ANKRD28: variants seen among roughly 807,000 people sequenced by gnomAD.
The protein encoded by ANKRD28 is serine/threonine-protein phosphatase 6 regulatory ankyrin repeat subunit A.
A neutral mutation model predicts 126.5 loss-of-function variants in ANKRD28; 44 were observed. That is an observed-to-expected ratio of 0.35 (90% CI 0.27 to 0.45). The LOEUF (loss-of-function observed/expected upper bound fraction) is 0.45. Ranked by LOEUF, ANKRD28 falls within the 20% of genes least tolerant of loss-of-function variation. The pLI, the probability that ANKRD28 is intolerant of heterozygous loss-of-function variation, is 1.00. For missense variants in ANKRD28, 1,110 were observed against 1,316.6 expected (o/e 0.84, Z 2.43); for synonymous variants, 442 against 468.5 (o/e 0.94, Z 0.73).
intron 6 of ANKRD28, among the ~76,000 whole-genome samples, chr3:15,728,467 A>C (rs1250729816): frequency 6.6e-6 from 1 of 151,934 alleles, no homozygotes; most frequent in African/African-American, 2.4e-5. Context: ...CTAATCTTTA[A>C]ATTTTTTTGT....
intron 11 of ANKRD28, 66 bp downstream of exon 11, chr3:15,712,074 A>C: frequency 4.1e-6 from 5 of 1,209,704 alleles, no homozygotes; most frequent in Non-Finnish European, 6.0e-6. Flanking sequence ...AAAGCAGGAT[A>C]GAGACCATCT....
intron 2 of ANKRD28, among the ~76,000 whole-genome samples, chr3:15,771,093 A>T (rs909294740): frequency 6.6e-6 from 1 of 152,116 alleles, no homozygotes; most frequent in African/African-American, 2.4e-5. Flanking sequence ...TATTTGGTTT[A>T]TGGTTGTACA....
At chr3:15,736,378 G>A (rs1178545945) in intron 5 of ANKRD28, among the ~76,000 whole-genome samples, 1 of 152,200 alleles carries the variant, frequency 6.6e-6, no homozygotes, top group African/African-American at 2.4e-5. Context: ...ATCCTCTGTA[G>A]ATAAGTGGGA....
chr3:15,760,513 CCAGCA>C (rs1281367143), intron 3 of ANKRD28, among the ~76,000 whole-genome samples: 1 of 152,138 alleles, frequency 6.6e-6, no homozygotes, highest in African/African-American at 2.4e-5. Context: ...CTGAAAGCAT[CCAGCA>C]CAGGACTAGG....
rs1575813194 is a variant in ANKRD28 at position 15,845,402 on chromosome 3, A to G, written c.27+13975T>C. Among the ~76,000 whole-genome samples the G allele has an allele frequency of 6.6e-6, 1 of 152,120 alleles. No homozygotes were observed. The highest frequency in any genetic ancestry group is 1.9e-4 in the East Asian group (1 of 5,186). ...CCAACTAGGTTCCCTCTTTGTCCTG[A>G]GAATGTCTAAAAGGTTACAGCTCCT... On this transcript the variant is annotated intron_variant, in intron 1 of 27. Transcript: ENST00000399451. The surrounding 1 kb of genome is among the most constrained non-coding windows in gnomAD (Gnocchi z 4.9).
At chr3:15,696,468 C>T (rs1041604126) in intron 14 of ANKRD28, among the ~76,000 whole-genome samples, 1 of 151,930 alleles carries the variant, frequency 6.6e-6, no homozygotes, top group African/African-American at 2.4e-5. Flanking sequence ...AAAGTGGATA[C>T]CTCAAAAGTC....
intron 2 of ANKRD28, among the ~76,000 whole-genome samples, chr3:15,792,400 C>T (rs1292515126): frequency 1.3e-5 from 2 of 152,026 alleles, no homozygotes; most frequent in African/African-American, 4.8e-5. Flanking sequence ...AAAAAACAGA[C>T]CCAGTCATTT....
At position 15,811,286 on chromosome 3, in the gene ANKRD28, GAC is replaced by G. The variant is rs1199657908; in HGVS notation, c.28-15982_28-15981del. The stretch of plus-strand genomic sequence containing the variant: ...CCATAATCTGTTACAATCACAAATA[GAC>G]TCTATAGACTTAAGTACTCAACTCA... On this transcript the variant is annotated intron_variant, in intron 1 of 27. Transcript: ENST00000399451. 2.1e-3 allele frequency among the ~76,000 whole-genome samples: 320 copies of G among 152,260 alleles called. 2 individuals carry two copies. The highest frequency in any genetic ancestry group is 0.01 in the Middle Eastern group (3 of 294).
rs1320738219 is a variant in ANKRD28 at position 15,830,320 on chromosome 3, C to T, written c.27+29057G>A. On this transcript the variant is annotated intron_variant, in intron 1 of 27. Coordinates refer to the ANKRD28 transcript ENST00000399451. This position sits in a 1 kb window ranked among gnomAD's most constrained non-coding sequence, Gnocchi z 4.5. ...GTCTCTTAGACCAGGGTCCCTAACC[C>T]CTGGACTGAGGACTGCTAGCCATTC... Among the ~76,000 whole-genome samples the T allele has an allele frequency of 6.6e-6, 1 of 152,164 alleles. No individual in the cohort carries two copies. The highest frequency in any genetic ancestry group is 1.9e-4 in the East Asian group (1 of 5,198).
intron 11 of ANKRD28, among the ~76,000 whole-genome samples, chr3:15,711,756 G>A (rs567086550): frequency 2.0e-5 from 3 of 151,838 alleles, no homozygotes; most frequent in African/African-American, 7.2e-5. Flanking sequence ...GCACAATCTC[G>A]GCTTACTGCA....
At chr3:15,809,372 C>T (rs1298793735) in intron 1 of ANKRD28, among the ~76,000 whole-genome samples, 1 of 152,174 alleles carries the variant, frequency 6.6e-6, no homozygotes, top group African/African-American at 2.4e-5. Flanking sequence ...CACACAGATC[C>T]TTTCCTTTAA....
chr3:15,797,263 T>C lies in ANKRD28; in HGVS notation c.-742A>G. 3 of 984,452 alleles carry C rather than the reference T, an allele frequency of 3.0e-6. No individual in the cohort carries two copies. Among genetic ancestry groups the C allele is most frequent in the Non-Finnish European group, 3.6e-6 (3 of 829,816 alleles). The allele number at this position is 984,452 out of a possible 1,614,324, so 61.0% of individuals were successfully genotyped here. A position where few individuals can be genotyped will look rare whatever the true frequency, so the allele number is the denominator to read the frequency against. On this transcript the variant is annotated 5_prime_UTR_variant, in exon 1 of 28. Coordinates refer to ENST00000683139, the MANE Select transcript of ANKRD28 (RefSeq NM_001349278.2). ...AGCAAAGCTGCAGTACGTTTACATG[T>C]GATGAGTCAGACCACAAGAGACAAT... is the stretch of plus-strand genomic sequence containing the variant.
chr3:15,826,748 T>C (rs1013574032), intron 1 of ANKRD28, among the ~76,000 whole-genome samples: 3 of 152,138 alleles, frequency 2.0e-5, no homozygotes, highest in Non-Finnish European at 4.4e-5. Context: ...GTGTAGAAGA[T>C]GAACTGAAAT....
At chr3:15,733,767 T>C (rs2125101974) in intron 6 of ANKRD28, among the ~76,000 whole-genome samples, 1 of 152,318 alleles carries the variant, frequency 6.6e-6, no homozygotes, top group South Asian at 2.1e-4. Flanking sequence ...TTAGTATACC[T>C]ATGTAGAATT....
intron 1 of ANKRD28, among the ~76,000 whole-genome samples, chr3:15,822,290 T>C (rs1249753011): frequency 6.6e-6 from 1 of 152,188 alleles, no homozygotes; most frequent in Non-Finnish European, 1.5e-5. Context: ...TTGTTTGGGC[T>C]TTTTTGGGGA....
At chr3:15,780,160 G>A (rs570223237) in intron 2 of ANKRD28, among the ~76,000 whole-genome samples, 5 of 152,172 alleles carry the variant, frequency 3.3e-5, no homozygotes, top group African/African-American at 1.2e-4. Flanking sequence ...ATCTTACACA[G>A]AGAAATCCCT....
At chr3:15,720,875 G>C (rs1234944311) in intron 8 of ANKRD28, 40 bp downstream of exon 8, 1 of 1,565,886 alleles carries the variant, frequency 6.4e-7, no homozygotes, top group African/African-American at 1.4e-5. Context: ...TTTTAACAGT[G>C]ACATATGAAA....
At position 15,686,024 on chromosome 3, in the gene ANKRD28, C is replaced by T. The variant is rs761536330; in HGVS notation, c.2147G>A (p.Gly716Glu). 2.0e-5 allele frequency: 32 copies of T among 1,613,470 alleles called. No individual in the cohort carries two copies. In the South Asian group the frequency reaches 3.5e-4, roughly 18 times the overall value. ...GANVDAKDKW[G>E]RTALHRGAVT... ...TACCCCTCTATGCAACGCTGTCCTT[C>T]CCCACTTATCTTTGGCATCTACATT... is the stretch of plus-strand genomic sequence containing the variant. The change falls in exon 20 of 28, where the codon GGA (glycine) becomes GAA (glutamate). Residue 716 changes from glycine (G) to glutamate (E), a missense_variant. Gly to Glu is a moderately conservative substitution (Grantham distance 98). Transcript: ENST00000683139.
At chr3:15,698,928 G>T (rs557770366) in intron 14 of ANKRD28, among the ~76,000 whole-genome samples, 43 of 152,284 alleles carry the variant, frequency 2.8e-4, no homozygotes, top group African/African-American at 1.0e-3. Flanking sequence ...AGCCCGCATT[G>T]CCAAGACAAT....
Sources: allele counts gnomAD v4.1 joint callset (sites outside exome capture counted in the v4.1 genomes callset), GRCh38; gene constraint gnomAD v4.1.1; non-coding constraint Gnocchi (gnomAD v3.1); transcripts MANE v1.5; gene names NCBI Gene and HGNC (gene_info 2026-07-23, HGNC 2026-07-21).